Variants in NMNAT3 observed in about 807,000 individuals in gnomAD.
NMNAT3 encodes nicotinamide/nicotinic acid mononucleotide adenylyltransferase 3.
A neutral mutation model predicts 24.8 loss-of-function variants in NMNAT3; 21 were observed. The ratio of observed to expected loss-of-function variants is 0.85; its 90% CI spans 0.60 to 1.22. The LOEUF (loss-of-function observed/expected upper bound fraction) is 1.22, where lower values mean the gene tolerates loss of function less well. Ranked by LOEUF, NMNAT3 falls within the 50% of genes most tolerant of loss-of-function variation. The pLI, the probability that NMNAT3 is intolerant of heterozygous loss-of-function variation, is 0.00. For missense variants in NMNAT3, 387 were observed against 436.6 expected (o/e 0.89, Z 1.01); for synonymous variants, 136 against 155.2 (o/e 0.88, Z 0.92).
intron 2 of NMNAT3, among the ~76,000 whole-genome samples, chr3:139,630,580 C>A (rs147231329): frequency 6.6e-6 from 1 of 152,140 alleles, no homozygotes; most frequent in Non-Finnish European, 1.5e-5. Flanking sequence ...GATTTCAGCT[C>A]GAAGCACAGA....
rs117083907 is a variant in NMNAT3 at position 139,653,313 on chromosome 3, G to A, written c.-140-15251C>T. Reference sequence around the variant, plus strand: ...AATGTGCCATGGAATAATGCAAAAGGTGATATTGTTAAAACCCCCATAATT... The same window carrying A: ...AATGTGCCATGGAATAATGCAAAAGATGATATTGTTAAAACCCCCATAATT... On this transcript the variant is annotated intron_variant, in intron 1 of 6. Coordinates refer to ENST00000643695, the MANE Select transcript of NMNAT3 (RefSeq NM_001320510.2). 7.8e-4 allele frequency among the ~76,000 whole-genome samples: 118 copies of A among 152,044 alleles called. No homozygotes were observed. The East Asian group carries it at 0.018, about 23-fold the overall frequency.
At position 139,560,286 on chromosome 3, in the gene NMNAT3, G is replaced by C. The variant is rs1421121261; in HGVS notation, c.*724C>G. The C allele has an allele frequency of 6.6e-6, 1 of 152,626 alleles. No individual in the cohort carries two copies. Among genetic ancestry groups the C allele is most frequent in the African/African-American group, 2.4e-5 (1 of 41,452 alleles). The allele number at this position is 152,626 out of a possible 1,614,324, so 9.5% of individuals were successfully genotyped here. On this transcript the variant is annotated 3_prime_UTR_variant, in exon 7 of 7. Transcript: ENST00000643695. ...AAAAAAGATCCTTTAAAACGGTCAG[G>C]CATCTGTTTTACCTCAGTTCCTTTT...
At chr3:139,676,209 G>A (rs1422764248) in intron 1 of NMNAT3, among the ~76,000 whole-genome samples, 1 of 152,186 alleles carries the variant, frequency 6.6e-6, no homozygotes, top group East Asian at 1.9e-4. Flanking sequence ...CTCTCAGTTG[G>A]TTTTCATGGA....
Position 139,603,133 on chromosome 3 carries a change from G to A in NMNAT3, c.110-19925C>T, listed in dbSNP as rs546056433. The stretch of plus-strand genomic sequence containing the variant: ...GATCAAATATGTTTGGGAAACACGA[G>A]GGCAAACAAAGTGAAACAGACTTTT... On this transcript the variant is annotated intron_variant, in intron 3 of 6. Transcript: ENST00000643695. Among the ~76,000 whole-genome samples the A allele has an allele frequency of 1.7e-4, 26 of 152,264 alleles. No homozygotes were observed. The South Asian group carries it at 4.1e-3, about 24-fold the overall frequency.
chr3:139,645,384 CA>C (rs1286602679), intron 1 of NMNAT3, among the ~76,000 whole-genome samples: 1 of 152,064 alleles, frequency 6.6e-6, no homozygotes, highest in Non-Finnish European at 1.5e-5. Context: ...ATGCCTTAGA[CA>C]AAACAGGGCC....
At chr3:139,605,949 A>G (rs780163007) in intron 3 of NMNAT3, among the ~76,000 whole-genome samples, 2 of 151,878 alleles carry the variant, frequency 1.3e-5, no homozygotes, top group Non-Finnish European at 2.9e-5. Flanking sequence ...TTACTTAAAT[A>G]TCTAGATAAT....
At chr3:139,603,211 A>C (rs950016417) in intron 3 of NMNAT3, among the ~76,000 whole-genome samples, 1 of 152,196 alleles carries the variant, frequency 6.6e-6, no homozygotes, top group Non-Finnish European at 1.5e-5. Context: ...TAATTCTCCA[A>C]GAAGGGGACA....
At chr3:139,665,895 TA>T (rs1424352468) in intron 1 of NMNAT3, among the ~76,000 whole-genome samples, 3 of 151,862 alleles carry the variant, frequency 2.0e-5, no homozygotes, top group African/African-American at 4.8e-5. Context: ...TGAAAGCATA[TA>T]AAAAATATAG....
chr3:139,649,804 G>C (rs1485267503), intron 1 of NMNAT3, among the ~76,000 whole-genome samples: 1 of 152,050 alleles, frequency 6.6e-6, no homozygotes, highest in African/African-American at 2.4e-5. Context: ...TGATCAAAAG[G>C]GTCCCACCTT....
intron 2 of NMNAT3, among the ~76,000 whole-genome samples, 178 bp from the exon 4 acceptor site, chr3:139,627,942 A>G (rs1455566560): frequency 1.3e-5 from 2 of 152,236 alleles, no homozygotes; most frequent in Admixed American, 1.3e-4. Flanking sequence ...GTGCTATGCC[A>G]AGGCGTATCC....
intron 1 of NMNAT3, among the ~76,000 whole-genome samples, chr3:139,655,590 C>T (rs1049571795): frequency 6.6e-6 from 1 of 150,846 alleles, no homozygotes; most frequent in African/African-American, 2.4e-5. Flanking sequence ...CTGCAAATTA[C>T]CCATTTTCTA....
At chr3:139,574,016 G>C (rs1433944750) in intron 5 of NMNAT3, among the ~76,000 whole-genome samples, 1 of 152,182 alleles carries the variant, frequency 6.6e-6, no homozygotes, top group Admixed American at 6.5e-5. Flanking sequence ...AAGGACATGG[G>C]CTATTAGAAT....
At chr3:139,650,781 T>C (rs1034185917) in intron 1 of NMNAT3, among the ~76,000 whole-genome samples, 1 of 152,220 alleles carries the variant, frequency 6.6e-6, no homozygotes, top group Admixed American at 6.5e-5. Flanking sequence ...CAGAGAAATC[T>C]AAAGCTGAAA....
chr3:139,592,520 G>T (rs535810290), intron 3 of NMNAT3, among the ~76,000 whole-genome samples: 27 of 152,188 alleles, frequency 1.8e-4, no homozygotes, highest in African/African-American at 6.5e-4. Context: ...ATAATTGTCA[G>T]ATTCACCAAA....
chr3:139,660,080 G>A (rs1201890709), intron 1 of NMNAT3, among the ~76,000 whole-genome samples: 1 of 152,100 alleles, frequency 6.6e-6, no homozygotes, highest in Non-Finnish European at 1.5e-5. Flanking sequence ...CCAAGACTAA[G>A]GTCTCCACTA....
At chr3:139,575,610 T>C (rs1939179868) in intron 5 of NMNAT3, 3 of 1,009,966 alleles carry the variant, frequency 3.0e-6, no homozygotes, top group East Asian at 1.0e-4. Flanking sequence ...AGGTTGACCC[T>C]ACTTTGAATA....
intron 3 of NMNAT3, among the ~76,000 whole-genome samples, chr3:139,615,927 C>T (rs1465938217): frequency 6.6e-6 from 1 of 152,116 alleles, no homozygotes; most frequent in East Asian, 1.9e-4. Flanking sequence ...GTATGCTCCC[C>T]CAGGGCTGCT....
chr3:139,581,392 G>C (rs1264466139), intron 4 of NMNAT3, among the ~76,000 whole-genome samples: 2 of 149,202 alleles, frequency 1.3e-5, no homozygotes, highest in East Asian at 3.9e-4. Flanking sequence ...TTACACAAGT[G>C]TCATAGCAAC....
At chr3:139,572,956 A>G (rs1938636898) in intron 6 of NMNAT3, among the ~76,000 whole-genome samples, 1 of 152,138 alleles carries the variant, frequency 6.6e-6, no homozygotes, top group African/African-American at 2.4e-5. Context: ...TGGAATCTGC[A>G]CGCCCACCGC....
Sources: gnomAD v4.1 joint callset for allele counts (sites outside exome capture counted in the v4.1 genomes callset) on GRCh38, gnomAD v4.1.1 for gene constraint, MANE v1.5 for transcripts, NCBI Gene and HGNC (gene_info 2026-07-23, HGNC 2026-07-21) for gene names.